UVRAG: variants seen among roughly 807,000 people sequenced by gnomAD.
The protein encoded by UVRAG is UV radiation resistance-associated gene protein.
In UVRAG, 19 loss-of-function variants were observed where a neutral mutation model predicts 78.0. That is an observed-to-expected ratio of 0.24 (90% CI 0.17 to 0.36). The LOEUF (loss-of-function observed/expected upper bound fraction) is 0.36. Ranked by LOEUF, UVRAG falls within the 10% of genes least tolerant of loss-of-function variation. The probability of loss-of-function intolerance (pLI) is 1.00; values close to 1 mark genes in which losing one functional copy is unlikely to be tolerated. For synonymous variants in UVRAG, 323 were observed against 324.6 expected (o/e 1.00, Z 0.05); for missense variants, 740 against 853.8 (o/e 0.87, Z 1.66).
intron 14 of UVRAG, among the ~76,000 whole-genome samples, chr11:76,134,868 G>A (rs893923122): frequency 1.3e-5 from 2 of 152,130 alleles, no homozygotes; most frequent in Non-Finnish European, 2.9e-5. Flanking sequence ...CCCAACCCCC[G>A]GGCCACAGAC....
chr11:76,130,721 AG>A (rs1952498013), intron 14 of UVRAG, among the ~76,000 whole-genome samples: 1 of 152,212 alleles, frequency 6.6e-6, no homozygotes, highest in East Asian at 1.9e-4. Context: ...CAGTGTTAGT[AG>A]TATCTTTCAA....
chr11:76,010,650 T>A (rs1204769106), intron 11 of UVRAG, among the ~76,000 whole-genome samples: 2 of 152,328 alleles, frequency 1.3e-5, no homozygotes, highest in African/African-American at 4.8e-5. Flanking sequence ...TAATTTCTTA[T>A]AAGATATCTA....
intron 9 of UVRAG, 113 bp from the exon 10 acceptor site, chr11:76,007,421 G>T: frequency 1.3e-6 from 1 of 772,296 alleles, no homozygotes; most frequent in Non-Finnish European, 2.0e-6. Flanking sequence ...CTGAGTTTCT[G>T]TGGCCTATTA....
intron 12 of UVRAG, among the ~76,000 whole-genome samples, chr11:76,062,336 C>T (rs560780688): frequency 1.3e-5 from 2 of 152,252 alleles, no homozygotes; most frequent in East Asian, 1.9e-4. Context: ...CCGTGTAACC[C>T]GCTACATCCA....
chr11:76,065,358 C>T (rs1951166488), intron 12 of UVRAG, among the ~76,000 whole-genome samples: 1 of 152,138 alleles, frequency 6.6e-6, no homozygotes, highest in Admixed American at 6.5e-5. Context: ...ATGTCAGGTC[C>T]AAGATATTAG....
rs541530118 is a variant in UVRAG at position 76,069,345 on chromosome 11, C to T, written c.1305+3557C>T. Among the ~76,000 whole-genome samples, 80 of 152,200 alleles carry T rather than the reference C, an allele frequency of 5.3e-4. No homozygotes were observed. The South Asian group carries it at 0.016, about 31-fold the overall frequency. On this transcript the variant is annotated intron_variant, in intron 13 of 14. Coordinates refer to ENST00000356136, the MANE Select transcript of UVRAG (RefSeq NM_003369.4). ...ACTGAGAGTGAGTGAAGCAAAATGC[C>T]TTGTTTTCAGCACCATATATTAATA...
At chr11:76,021,315 C>T (rs183202038) in intron 12 of UVRAG, among the ~76,000 whole-genome samples, 303 of 152,268 alleles carry the variant, frequency 2.0e-3, no homozygotes, top group Non-Finnish European at 3.3e-3. Flanking sequence ...CTTGCTTCAC[C>T]CTCCTCATGG....
chr11:76,066,191 G>C (rs1274193748), intron 13 of UVRAG, among the ~76,000 whole-genome samples: 1 of 152,078 alleles, frequency 6.6e-6, no homozygotes, highest in Non-Finnish European at 1.5e-5. Flanking sequence ...GTACTTCATG[G>C]TCTCCTCACT....
At chr11:76,052,561 C>G (rs1950890233) in intron 12 of UVRAG, among the ~76,000 whole-genome samples, 1 of 152,204 alleles carries the variant, frequency 6.6e-6, no homozygotes. Flanking sequence ...ACCATATTAT[C>G]AGCGCTACCT....
chr11:76,017,106 A>C, intron 12 of UVRAG, 126 bp downstream of exon 12: 1 of 561,288 alleles, frequency 1.8e-6, no homozygotes, highest in Non-Finnish European at 2.7e-6. Context: ...AGAGTGCCTC[A>C]TTCATTTAAA....
At chr11:75,968,127 C>A (rs1949059941) in intron 7 of UVRAG, among the ~76,000 whole-genome samples, 1 of 152,178 alleles carries the variant, frequency 6.6e-6, no homozygotes, top group African/African-American at 2.4e-5. Context: ...GCATTTTGGA[C>A]TTCAGATTTT....
At chr11:75,974,091 A>G (rs1949181167) in intron 7 of UVRAG, among the ~76,000 whole-genome samples, 1 of 152,198 alleles carries the variant, frequency 6.6e-6, no homozygotes, top group African/African-American at 2.4e-5. Flanking sequence ...GGCTGGGCCA[A>G]ATGGTATTTC....
intron 6 of UVRAG, chr11:75,930,847 G>A (rs901566899): frequency 6.6e-6 from 1 of 152,190 alleles, no homozygotes; most frequent in African/African-American, 2.4e-5. Context: ...AAGTCAGCCT[G>A]TACTGAGTTT....
chr11:76,040,839 G>C (rs2134329579), intron 12 of UVRAG, among the ~76,000 whole-genome samples: 1 of 152,216 alleles, frequency 6.6e-6, no homozygotes, highest in Non-Finnish European at 1.5e-5. Flanking sequence ...ACAGGTGTGA[G>C]CCACCGGGCC....
chr11:76,033,136 A>T (rs1373553043), intron 12 of UVRAG, among the ~76,000 whole-genome samples: 1 of 152,216 alleles, frequency 6.6e-6, no homozygotes, highest in Non-Finnish European at 1.5e-5. Flanking sequence ...AAACTTGTAT[A>T]TTCTAAATTA....
intron 13 of UVRAG, among the ~76,000 whole-genome samples, chr11:76,072,326 A>G (rs965679191): frequency 2.6e-5 from 4 of 152,184 alleles, no homozygotes; most frequent in Non-Finnish European, 5.9e-5. Context: ...GTAACTGGAG[A>G]TGACTATGGG....
chr11:75,824,476 A>G (rs1945466957), intron 1 of UVRAG, among the ~76,000 whole-genome samples: 1 of 151,566 alleles, frequency 6.6e-6, no homozygotes, highest in South Asian at 2.1e-4. Flanking sequence ...TCTTTGTGGT[A>G]GAAAATTCAG....
intron 1 of UVRAG, among the ~76,000 whole-genome samples, chr11:75,840,048 C>G (rs1477182442): frequency 6.6e-6 from 1 of 152,110 alleles, no homozygotes; most frequent in Non-Finnish European, 1.5e-5. Flanking sequence ...TACTCAACAT[C>G]TGGACCTCTG....
At chr11:75,849,938 A>G (rs1946117837) in intron 1 of UVRAG, among the ~76,000 whole-genome samples, 1 of 152,252 alleles carries the variant, frequency 6.6e-6, no homozygotes, top group African/African-American at 2.4e-5. Flanking sequence ...GCAAGGTGGG[A>G]GTGGGCCTTG....
Sources: gnomAD v4.1 joint callset for allele counts (sites outside exome capture counted in the v4.1 genomes callset) on GRCh38, gnomAD v4.1.1 for gene constraint, MANE v1.5 for transcripts, NCBI Gene and HGNC (gene_info 2026-07-23, HGNC 2026-07-21) for gene names.